The following GRK5 variants were observed in gnomAD, a reference collection of about 807,000 sequenced individuals.
The protein encoded by GRK5 is g protein-coupled receptor kinase GRK5.
In GRK5, 40 loss-of-function variants were observed where a neutral mutation model predicts 78.4. That is an observed-to-expected ratio of 0.51 (90% confidence interval 0.40 to 0.66). GRK5 has a LOEUF of 0.66. Among genes scored for constraint, GRK5 ranks in the 30% least tolerant of loss-of-function variants. The probability of loss-of-function intolerance (pLI) is 0.00; values close to 1 mark genes in which losing one functional copy is unlikely to be tolerated. For missense variants in GRK5, 598 were observed against 759.9 expected (o/e 0.79, Z 2.50); for synonymous variants, 289 against 296.8 (o/e 0.97, Z 0.27).
chr10:119,213,382 C>T (rs1194083995), intron 1 of GRK5, among the ~76,000 whole-genome samples: 10 of 151,914 alleles, frequency 6.6e-5, no homozygotes, highest in Admixed American at 6.6e-4. Context: ...GTGGTGGTGC[C>T]CGCATGTAAT....
intron 1 of GRK5, among the ~76,000 whole-genome samples, chr10:119,316,280 G>C (rs1278797394): frequency 1.3e-5 from 2 of 152,228 alleles, no homozygotes; most frequent in Non-Finnish European, 2.9e-5. Context: ...GGAGAGAAAA[G>C]ATGAGTTGGC....
chr10:119,411,840 T>TGC, intron 4 of GRK5, among the ~76,000 whole-genome samples: 1 of 91,486 alleles, frequency 1.1e-5, no homozygotes, highest in African/African-American at 4.5e-5. Context: ...GCAGATCTGC[T>TGC]TCTTTTTTTT....
chr10:119,417,622 A>G (rs934414732), intron 4 of GRK5, among the ~76,000 whole-genome samples: 1 of 149,588 alleles, frequency 6.7e-6, no homozygotes, highest in Non-Finnish European at 1.5e-5. Context: ...TCAGCAATAC[A>G]TCATCCACAC....
intron 1 of GRK5, among the ~76,000 whole-genome samples, chr10:119,312,267 A>G (rs1243596885): frequency 2.0e-5 from 3 of 152,188 alleles, no homozygotes; most frequent in African/African-American, 4.8e-5. Context: ...ATTTCAATAA[A>G]TGATTATTTT....
In GRK5 at chr10:119,423,101, G is replaced by A. The variant is rs1852602052; in HGVS notation, c.340-65G>A. 3 of 1,102,530 alleles carry A rather than the reference G, an allele frequency of 2.7e-6. No homozygotes were observed. The East Asian group carries it at 7.1e-5, about 26-fold the overall frequency. The allele number at this position is 1,102,530 out of a possible 1,614,324, so 68.3% of individuals were successfully genotyped here. On this transcript the variant is annotated intron_variant, in intron 4 of 15. Coordinates refer to ENST00000392870, the MANE Select transcript of GRK5 (RefSeq NM_005308.3). ...GGCTGGTTCTTGGCCCAACACCTGT[G>A]GGCAAACCCGGCCGCACTGCTGCTG...
chr10:119,401,648 G>A (rs1383037171), intron 4 of GRK5, among the ~76,000 whole-genome samples: 3 of 152,240 alleles, frequency 2.0e-5, no homozygotes, highest in African/African-American at 4.8e-5. Flanking sequence ...TACTGAGCAT[G>A]GTAGCTGGGG....
At chr10:119,391,969 A>G (rs1851894817) in intron 3 of GRK5, among the ~76,000 whole-genome samples, 1 of 152,188 alleles carries the variant, frequency 6.6e-6, no homozygotes, top group African/African-American at 2.4e-5. Context: ...GGTGACATCT[A>G]AAGTTAGTCT....
In GRK5 at chr10:119,452,516, A is replaced by C. The variant is rs915115; in HGVS notation, c.1405-155A>C. ...CGACCCCTCCCCTGGACTCACCTGC[A>C]TCTGAGCCACACACCCTCCAGCCAC... On this transcript the variant is annotated intron_variant, in intron 13 of 15. Transcript: ENST00000392870. The surrounding 1 kb of genome is among the most constrained non-coding windows in gnomAD (Gnocchi z 4.4). 828,598 of 829,468 alleles carry C rather than the reference A, an allele frequency of 1. 413,870 individuals are homozygous for C. Among genetic ancestry groups the C allele is most frequent in the East Asian group, 1 (37,076 of 37,076 alleles). 51.4% of individuals were successfully genotyped at this position (829,468 alleles called of 1,614,324 possible).
chr10:119,222,026 G>A lies in GRK5; in HGVS notation c.52+14057G>A, dbSNP rs79887209. ...GGTACACTCAGAAAACAAGCCCACA[G>A]CTTCGTAAGGTGTCTTGGATCTCTC... On this transcript the variant is annotated intron_variant, in intron 1 of 15. Transcript: ENST00000392870. Among the ~76,000 whole-genome samples, 39 of 152,326 alleles carry A rather than the reference G, an allele frequency of 2.6e-4. No individual in the cohort carries two copies. The East Asian group carries it at 5.6e-3, about 22-fold the overall frequency.
At chr10:119,222,713 A>T (rs1304720283) in intron 1 of GRK5, among the ~76,000 whole-genome samples, 1 of 152,122 alleles carries the variant, frequency 6.6e-6, no homozygotes, top group African/African-American at 2.4e-5. Context: ...TCTTCTGGGA[A>T]ACATTTGCAG....
At chr10:119,376,379 C>T (rs1215194641) in intron 2 of GRK5, among the ~76,000 whole-genome samples, 1 of 152,146 alleles carries the variant, frequency 6.6e-6, no homozygotes, top group African/African-American at 2.4e-5. Flanking sequence ...CACATATCCC[C>T]ACGTGTTGAG....
intron 2 of GRK5, among the ~76,000 whole-genome samples, chr10:119,345,699 A>G (rs1470772918): frequency 6.6e-6 from 1 of 152,092 alleles, no homozygotes; most frequent in East Asian, 1.9e-4. Context: ...CCTTCACCAT[A>G]TACTTCCCCT....
chr10:119,279,074 G>T (rs1849714393), intron 1 of GRK5, among the ~76,000 whole-genome samples: 1 of 152,060 alleles, frequency 6.6e-6, no homozygotes, highest in Admixed American at 6.5e-5. Context: ...TAGAGACGGG[G>T]TTTCACCATG....
At chr10:119,333,499 G>T (rs1850820212) in intron 2 of GRK5, 2 of 274,566 alleles carry the variant, frequency 7.3e-6, no homozygotes, top group African/African-American at 4.5e-5. Context: ...CCACCCATTG[G>T]TGGTGGAGTA....
At chr10:119,426,994 C>T (rs1313005448) in intron 6 of GRK5, among the ~76,000 whole-genome samples, 2 of 152,104 alleles carry the variant, frequency 1.3e-5, no homozygotes, top group Non-Finnish European at 2.9e-5. Context: ...ACATCACCAC[C>T]ATCAACAGCA....
intron 4 of GRK5, among the ~76,000 whole-genome samples, chr10:119,400,986 A>T (rs961158350): frequency 6.6e-6 from 1 of 152,146 alleles, no homozygotes; most frequent in Non-Finnish European, 1.5e-5. Context: ...GAGGCAGGGG[A>T]ATTCATTTTG....
intron 1 of GRK5, among the ~76,000 whole-genome samples, chr10:119,218,227 T>A (rs1241022672): frequency 6.6e-6 from 1 of 152,080 alleles, no homozygotes; most frequent in Non-Finnish European, 1.5e-5. Context: ...CAGCCTGGTG[T>A]CGCTCCCTGA....
chr10:119,423,167 C>T lies in GRK5; in HGVS notation c.341C>T (p.Ser114Phe), dbSNP rs1207468140. ...CCTCCCTTCCCTTCCTTCTTCCAGT[C>T]CCCTGTTTTCATAGCCCAAGTTGGC... ...EIMTKYLTPKSPVFIAQVGQD... is the reference protein window; with the variant it reads ...EIMTKYLTPKFPVFIAQVGQD... The change falls in exon 5 of 16, where the codon TCC becomes TTC. Residue 114 changes from serine (S) to phenylalanine (F), a missense_variant and splice_region_variant. Coordinates refer to ENST00000392870, the MANE Select transcript of GRK5 (RefSeq NM_005308.3). 2 of 1,608,390 alleles carry T rather than the reference C, an allele frequency of 1.2e-6. No homozygotes were observed. The highest frequency in any genetic ancestry group is 1.7e-6 in the Non-Finnish European group (2 of 1,174,748).
At chr10:119,424,078 A>G (rs1564929480) in intron 5 of GRK5, among the ~76,000 whole-genome samples, 1 of 152,136 alleles carries the variant, frequency 6.6e-6, no homozygotes, top group Non-Finnish European at 1.5e-5. Context: ...GGGACCAAGC[A>G]GTGGGTTAGG....
Sources: allele counts gnomAD v4.1 joint callset (sites outside exome capture counted in the v4.1 genomes callset), GRCh38; gene constraint gnomAD v4.1.1; non-coding constraint Gnocchi (gnomAD v3.1); transcripts MANE v1.5; gene names NCBI Gene and HGNC (gene_info 2026-07-23, HGNC 2026-07-21).